CLPTM1: variants seen among roughly 807,000 people sequenced by gnomAD.
The protein encoded by CLPTM1 is putative lipid scramblase CLPTM1.
CLPTM1 carries 21 observed loss-of-function variants against 77.3 expected under a neutral mutation model. The ratio of observed to expected loss-of-function variants is 0.27; its 90% CI spans 0.19 to 0.39. CLPTM1 has a LOEUF of 0.39. Among genes scored for constraint, CLPTM1 ranks in the 10% least tolerant of loss-of-function variants. CLPTM1 has a pLI of 1.00. For missense variants in CLPTM1, 642 were observed against 921.2 expected, an observed-to-expected ratio of 0.70 and a Z score of 3.92; for synonymous variants, 373 against 381.0, an observed-to-expected ratio of 0.98 and a Z score of 0.24.
At chr19:44,987,146 G>A in intron 7 of CLPTM1, 33 bp from the exon 8 acceptor site, 1 of 1,590,710 alleles carries the variant, frequency 6.3e-7, no homozygotes, top group African/African-American at 1.3e-5. Context: ...CTCCTGCCCG[G>A]GCCAAATGGT....
chr19:44,954,915 G>A, upstream of CLPTM1: 2 of 1,456,846 alleles, frequency 1.4e-6, no homozygotes, highest in Non-Finnish European at 1.8e-6. Context: ...CAAAAGGCTA[G>A]TTCTTCGAAT....
Position 44,990,924 on chromosome 19 carries a change from C to T in CLPTM1, c.1398C>T (p.Ser466=), listed in dbSNP as rs201636158. Reference sequence around the variant, plus strand: ...AGGACAAGTCCACGTATATCGAGTCCTCGACCAAAGTGTATGATGATGTGA... The same window carrying T: ...AGGACAAGTCCACGTATATCGAGTCTTCGACCAAAGTGTATGATGATGTGA... The part of the protein sequence containing the change: ...SFKDKSTYIE[S]STKVYDDMAF... The change falls in exon 11 of 14, where the codon TCC becomes TCT. Residue 466 remains serine, a synonymous_variant. Transcript: ENST00000337392. This position sits in a 1 kb window ranked among gnomAD's most constrained non-coding sequence, Gnocchi z 4.8. The T allele has an allele frequency of 4.0e-5, 65 of 1,613,504 alleles. No homozygotes were observed. The highest frequency in any genetic ancestry group is 5.5e-5 in the Non-Finnish European group (65 of 1,179,586).
intron 4 of CLPTM1, among the ~76,000 whole-genome samples, chr19:44,974,962 G>A (rs1471746939): frequency 6.6e-6 from 1 of 152,202 alleles, no homozygotes; most frequent in Admixed American, 6.5e-5. Flanking sequence ...ATTGAGCTAA[G>A]TGCAGGGTAC....
At position 44,990,908 on chromosome 19, in the gene CLPTM1, C is replaced by T. The variant is rs1333156934; in HGVS notation, c.1382C>T (p.Ser461Phe). 2 of 1,613,770 alleles carry T rather than the reference C, an allele frequency of 1.2e-6. No homozygotes were observed. Among genetic ancestry groups the T allele is most frequent in the Non-Finnish European group, 8.5e-7 (1 of 1,179,840 alleles). ...CCCCGCCTATCCTTCAAGGACAAGTCCACGTATATCGAGTCCTCGACCAAA... is the reference window on the plus strand; with the variant it reads ...CCCCGCCTATCCTTCAAGGACAAGTTCACGTATATCGAGTCCTCGACCAAA... ...IFPRLSFKDK[S>F]TYIESSTKVY... The change falls in exon 11 of 14, where the codon TCC becomes TTC. Residue 461 changes from serine (S) to phenylalanine (F), a missense_variant. Ser to Phe is a radical substitution (Grantham distance 155). Around this residue, in one of 2 missense-constraint regions of CLPTM1, gnomAD observed 521 missense variants for 800.4 expected, o/e 0.65. Transcript: ENST00000337392. This position sits in a 1 kb window ranked among gnomAD's most constrained non-coding sequence, Gnocchi z 4.8.
chr19:44,962,006 C>T lies in CLPTM1; in HGVS notation c.116C>T (p.Thr39Ile), dbSNP rs146651919. ...GSIGRDPPAE[T>I]QPQNPPAQPA... is the part of the protein sequence containing the mutation. The stretch of plus-strand genomic sequence containing the variant: ...ATCGGGAGGGACCCGCCAGCGGAGA[C>T]CCAGCCTCAGAACCCACCGGCCCAG... The change falls in exon 2 of 14, where the codon ACC becomes ATC. Residue 39 changes from threonine to isoleucine, a missense_variant. This residue lies in a region of CLPTM1 where 121 missense variants were observed against 120.8 expected (regional missense o/e 1.00). Coordinates refer to ENST00000337392, the MANE Select transcript of CLPTM1 (RefSeq NM_001294.4). The T allele has an allele frequency of 1.9e-5, 30 of 1,610,526 alleles. No individual in the cohort carries two copies. Among genetic ancestry groups the T allele is most frequent in the African/African-American group, 1.1e-4 (8 of 74,668 alleles).
intron 7 of CLPTM1, chr19:44,986,972 C>T (rs1600044087): frequency 1.6e-6 from 1 of 638,372 alleles, no homozygotes; most frequent in East Asian, 2.8e-5. Context: ...CAGCTGCCCC[C>T]TTCAGTGGGG....
chr19:44,968,880 T>C (rs1210842438), intron 2 of CLPTM1, among the ~76,000 whole-genome samples: 1 of 152,118 alleles, frequency 6.6e-6, no homozygotes, highest in Non-Finnish European at 1.5e-5. Flanking sequence ...CAGACGTGCA[T>C]ATCAGGGACT....
chr19:44,973,736 G>A (rs1970758310), intron 3 of CLPTM1, among the ~76,000 whole-genome samples: 1 of 148,640 alleles, frequency 6.7e-6, no homozygotes, highest in Admixed American at 6.7e-5. Flanking sequence ...TGAGAAAGGA[G>A]GAAGTTCTTG....
chr19:44,987,589 C>A (rs1478335581), intron 8 of CLPTM1, 166 bp downstream of exon 8: 2 of 863,046 alleles, frequency 2.3e-6, no homozygotes, highest in East Asian at 5.3e-5. Flanking sequence ...AAGTGGGCAC[C>A]CAGCCCTCCA....
upstream of CLPTM1, chr19:44,955,370 CG>C (rs1416498036): frequency 3.6e-5 from 17 of 477,224 alleles, no homozygotes; most frequent in Non-Finnish European, 4.6e-5. Flanking sequence ...GGGCTGGCGG[CG>C]GGGGCGGGGA....
At chr19:44,975,853 C>T (rs1333590907) in intron 4 of CLPTM1, among the ~76,000 whole-genome samples, 1 of 152,064 alleles carries the variant, frequency 6.6e-6, no homozygotes, top group Admixed American at 6.6e-5. Flanking sequence ...CGTGAGACAC[C>T]GCGTCCAGCC....
intron 2 of CLPTM1, among the ~76,000 whole-genome samples, chr19:44,968,554 C>T (rs1970669691): frequency 6.6e-6 from 1 of 152,208 alleles, no homozygotes; most frequent in African/African-American, 2.4e-5. Context: ...CAGTCTCCTG[C>T]AGGCCTGGGT....
rs1360008763 is a variant in CLPTM1 at position 44,990,948 on chromosome 19, G to A, written c.1419+3G>A. ...CCTCGACCAAAGTGTATGATGATGT[G>A]AGTGTCCTGCACAGTGGGCCCCTGG... On this transcript the variant is annotated splice_donor_region_variant and intron_variant, in intron 11 of 13. Coordinates refer to ENST00000337392, the MANE Select transcript of CLPTM1 (RefSeq NM_001294.4). This position sits in a 1 kb window ranked among gnomAD's most constrained non-coding sequence, Gnocchi z 4.8. The A allele has an allele frequency of 1.9e-6, 3 of 1,607,514 alleles. No homozygotes were observed. The highest frequency in any genetic ancestry group is 1.1e-5 in the South Asian group (1 of 90,792).
At chr19:44,981,482 C>T (rs979479000) in intron 5 of CLPTM1, among the ~76,000 whole-genome samples, 3 of 152,100 alleles carry the variant, frequency 2.0e-5, no homozygotes, top group Non-Finnish European at 4.4e-5. Context: ...TAGTGTCCTC[C>T]GACTCAGGAG....
intron 2 of CLPTM1, among the ~76,000 whole-genome samples, chr19:44,963,598 T>A (rs1321386558): frequency 6.6e-6 from 1 of 151,664 alleles, no homozygotes; most frequent in African/African-American, 2.4e-5. Flanking sequence ...GTGCTGCGAT[T>A]ACAGGTGTGA....
intron 2 of CLPTM1, among the ~76,000 whole-genome samples, chr19:44,968,399 G>T (rs1049609478): frequency 2.0e-5 from 3 of 152,198 alleles, no homozygotes; most frequent in Non-Finnish European, 4.4e-5. Context: ...AATGGGGTGG[G>T]AGGGAGAGTT....
upstream of CLPTM1, chr19:44,954,903 G>A (rs898416812): frequency 9.4e-6 from 13 of 1,388,452 alleles, no homozygotes; most frequent in Non-Finnish European, 1.3e-5. Flanking sequence ...AAGGGTGCTG[G>A]GCAAAAGGCT....
chr19:44,955,240 A>G (rs941522135), upstream of CLPTM1: 6 of 1,501,816 alleles, frequency 4.0e-6, no homozygotes, highest in African/African-American at 8.3e-5. Context: ...GTCCTTCCAT[A>G]GCCGGAAGTG....
intron 1 of CLPTM1, 36 bp downstream of exon 1, chr19:44,955,503 C>A: frequency 7.9e-7 from 1 of 1,270,178 alleles, no homozygotes; most frequent in Non-Finnish European, 1.0e-6. Context: ...GGGGTTCTTC[C>A]CCAGCCGGGG....
Sources: gnomAD v4.1 joint callset for allele counts (sites outside exome capture counted in the v4.1 genomes callset) on GRCh38, gnomAD v4.1.1 for gene constraint, gnomAD v4.1.1 regional missense constraint, Gnocchi (gnomAD v3.1) non-coding constraint, MANE v1.5 for transcripts, NCBI Gene and HGNC (gene_info 2026-07-23, HGNC 2026-07-21) for gene names.